NCKAP5L: variants seen among roughly 807,000 people sequenced by gnomAD.
NCKAP5L encodes the protein nck-associated protein 5-like.
Under a neutral mutation model 103.2 loss-of-function variants are expected in NCKAP5L, and 54 were observed. That is an observed-to-expected ratio of 0.52 (90% CI 0.42 to 0.66). The LOEUF (loss-of-function observed/expected upper bound fraction) is 0.66, where lower values mean the gene tolerates loss of function less well. Ranked by LOEUF, NCKAP5L falls within the 30% of genes least tolerant of loss-of-function variation. NCKAP5L has a pLI of 0.00. For missense variants in NCKAP5L, 1,733 were observed against 1,750.6 expected, an observed-to-expected ratio of 0.99 and a Z score of 0.18; for synonymous variants, 762 against 748.6, an observed-to-expected ratio of 1.02 and a Z score of -0.29.
At chr12:49,808,599 A>G (rs987336598) in intron 1 of NCKAP5L, among the ~76,000 whole-genome samples, 1 of 152,206 alleles carries the variant, frequency 6.6e-6, no homozygotes, top group Non-Finnish European at 1.5e-5. Context: ...AATCGAAGCC[A>G]AGTCAGGAAT....
At chr12:49,820,313 C>CTTTTTTT (rs55677422) in intron 1 of NCKAP5L, among the ~76,000 whole-genome samples, 1 of 121,422 alleles carries the variant, frequency 8.2e-6, no homozygotes, top group Non-Finnish European at 1.7e-5. Flanking sequence ...ATCTCCTGGC[C>CTTTTTTT]TTTTTTTTTT....
intron 1 of NCKAP5L, among the ~76,000 whole-genome samples, chr12:49,812,528 C>T (rs530007092): frequency 2.0e-5 from 3 of 151,994 alleles, no homozygotes; most frequent in Admixed American, 1.3e-4. Flanking sequence ...GGACTACAGG[C>T]GCCCGCCACC....
chr12:49,795,804 C>T lies in NCKAP5L; in HGVS notation c.2056G>A (p.Val686Met), dbSNP rs923952315. The change falls in exon 8 of 13, where the codon GTG (valine) becomes ATG (methionine). Residue 686 changes from valine (V) to methionine (M), a missense_variant. Transcript: ENST00000335999. ...EGALGSEKNG[V>M]PARPGTEKTR... is the part of the protein sequence containing the mutation. The stretch of plus-strand genomic sequence containing the variant: ...TTTTCGGTGCCAGGCCTGGCTGGCA[C>T]CCCATTCTTCTCTGAGCCCAGGGCC... 1 of 1,573,024 alleles carries T rather than the reference C, an allele frequency of 6.4e-7. No individual in the cohort carries two copies. Among genetic ancestry groups the T allele is most frequent in the Non-Finnish European group, 8.6e-7 (1 of 1,159,512 alleles).
chr12:49,811,630 TG>T (rs77900023), intron 1 of NCKAP5L, among the ~76,000 whole-genome samples: 3,239 of 152,202 alleles, frequency 0.021, 101 homozygotes, highest in East Asian at 0.14. Flanking sequence ...ATCTTCTCGT[TG>T]GGCACAGTGG....
intron 1 of NCKAP5L, among the ~76,000 whole-genome samples, chr12:49,828,025 C>T (rs1332714370): frequency 1.3e-5 from 2 of 152,106 alleles, no homozygotes; most frequent in Non-Finnish European, 2.9e-5. Flanking sequence ...CGGAACATCC[C>T]CCACTCCCGA....
rs945044158 is a variant in NCKAP5L, at chr12:49,813,567, G to A, written c.-98-7526C>T. ...TTTTGAGATGGAGTCTCACTCTGTC[G>A]CTCAGGCTGAAGTGCAGTGGCGCGA... On this transcript the variant is annotated intron_variant, in intron 1 of 12. Coordinates refer to ENST00000335999, the MANE Select transcript of NCKAP5L (RefSeq NM_001037806.4). Among the ~76,000 whole-genome samples the A allele has an allele frequency of 1.2e-4, 18 of 151,926 alleles. No homozygotes were observed. In the South Asian group the frequency reaches 2.5e-3, roughly 21 times the overall value.
Position 49,796,975 on chromosome 12 carries a change from G to A in NCKAP5L, c.885C>T (p.Gly295=). The change falls in exon 8 of 13, where the codon GGC becomes GGT. Residue 295 remains glycine, a synonymous_variant. Coordinates refer to ENST00000335999, the MANE Select transcript of NCKAP5L (RefSeq NM_001037806.4). The stretch of plus-strand genomic sequence containing the variant: ...CATCAGAAGAGGAGGAGGAGCTGCT[G>A]CCTGGGGCACAGTTTGGGCCAGAGC... ...GTSSGPNCAP[G]SSSSSSSDEA... The A allele has an allele frequency of 6.3e-7, 1 of 1,599,974 alleles. No homozygotes were observed. Among genetic ancestry groups the A allele is most frequent in the Non-Finnish European group, 8.5e-7 (1 of 1,173,972 alleles).
chr12:49,810,632 G>A (rs1378056297), intron 1 of NCKAP5L, among the ~76,000 whole-genome samples: 1 of 152,172 alleles, frequency 6.6e-6, no homozygotes, highest in African/African-American at 2.4e-5. Context: ...ATACTATGCT[G>A]TGTGATACCG....
In NCKAP5L at chr12:49,822,237, G is replaced by A. The variant is rs556021701; in HGVS notation, c.-99+6085C>T. ...TTCACCTTGGACTTCCCAGCCTCTAGAGCTGTGAGAAATAAATTTCTGTTG... is the reference window on the plus strand; with the variant it reads ...TTCACCTTGGACTTCCCAGCCTCTAAAGCTGTGAGAAATAAATTTCTGTTG... On this transcript the variant is annotated intron_variant, in intron 1 of 12. Coordinates refer to ENST00000335999, the MANE Select transcript of NCKAP5L (RefSeq NM_001037806.4). 3.9e-5 allele frequency among the ~76,000 whole-genome samples: 6 copies of A among 152,242 alleles called. No individual in the cohort carries two copies. The South Asian group carries it at 1.2e-3, about 32-fold the overall frequency.
At position 49,795,532 on chromosome 12, in the gene NCKAP5L, C is replaced by T. The variant is rs1279941151; in HGVS notation, c.2328G>A (p.Glu776=). 1.3e-6 allele frequency: 2 copies of T among 1,533,384 alleles called. No individual in the cohort carries two copies. Among genetic ancestry groups the T allele is most frequent in the South Asian group, 2.6e-5 (2 of 76,504 alleles). The allele number at this position is 1,533,384 out of a possible 1,614,324, so 95.0% of individuals were successfully genotyped here. A position where few individuals can be genotyped will look rare whatever the true frequency, so the allele number is the denominator to read the frequency against. Residue 776 remains glutamate (E), a synonymous_variant, in exon 8 of 13, where the codon GAG becomes GAA. Transcript: ENST00000335999. ...VSPRSCLTKV[E]LAKSRLAGAL... is the part of the protein sequence containing the mutation. Reference sequence around the variant, plus strand: ...CCCCTGCCAGCCGGCTCTTGGCCAGCTCCACTTTGGTGAGGCAGCTCCTTG... The same window carrying T: ...CCCCTGCCAGCCGGCTCTTGGCCAGTTCCACTTTGGTGAGGCAGCTCCTTG...
intron 1 of NCKAP5L, among the ~76,000 whole-genome samples, chr12:49,822,458 G>A (rs997226507): frequency 3.9e-5 from 6 of 152,070 alleles, no homozygotes; most frequent in African/African-American, 1.4e-4. Context: ...ATATATTTGT[G>A]TGTATTTGGT....
In NCKAP5L at chr12:49,803,234, C is replaced by G; in HGVS notation, c.124-69G>C. 3 of 1,537,416 alleles carry G rather than the reference C, an allele frequency of 2.0e-6. No homozygotes were observed. In the South Asian group the frequency reaches 3.4e-5, roughly 17 times the overall value. ...GATTATTCTTCCCCCAGGGCACATTCCTTTTGGGAAAGGGGAGGCAACTAC... is the reference window on the plus strand; with the variant it reads ...GATTATTCTTCCCCCAGGGCACATTGCTTTTGGGAAAGGGGAGGCAACTAC... On this transcript the variant is annotated intron_variant, in intron 3 of 12. Coordinates refer to ENST00000335999, the MANE Select transcript of NCKAP5L (RefSeq NM_001037806.4).
chr12:49,798,909 G>A (rs1220904879), intron 6 of NCKAP5L, among the ~76,000 whole-genome samples: 1 of 152,204 alleles, frequency 6.6e-6, no homozygotes, highest in East Asian at 1.9e-4. Context: ...AGAGATGGCA[G>A]GGAGTTATAA....
At chr12:49,802,220 T>C in intron 5 of NCKAP5L, 1 of 407,476 alleles carries the variant, frequency 2.5e-6, no homozygotes, top group Non-Finnish European at 4.4e-6. Flanking sequence ...TTTGTTATCT[T>C]TCTCATCCCT....
chr12:49,792,168 C>T lies in NCKAP5L; in HGVS notation c.3793-117G>A. The T allele has an allele frequency of 9.2e-7, 1 of 1,083,378 alleles. No homozygotes were observed. Among genetic ancestry groups the T allele is most frequent in the Non-Finnish European group, 1.3e-6 (1 of 757,416 alleles). The allele number at this position is 1,083,378 out of a possible 1,614,324, so 67.1% of individuals were successfully genotyped here. A position where few individuals can be genotyped will look rare whatever the true frequency, so the allele number is the denominator to read the frequency against. On this transcript the variant is annotated intron_variant, in intron 12 of 12. Transcript: ENST00000335999. This position sits in a 1 kb window ranked among gnomAD's most constrained non-coding sequence, Gnocchi z 4.5. ...TGATGGGGGGCTGCTCCAGAGGGGG[C>T]CCAAGGTGGGGTATACTTCAGAGGA...
rs1946057702 is a variant in NCKAP5L, at chr12:49,796,899, G to C, written c.961C>G (p.Leu321Val). 6.2e-7 allele frequency: 1 copy of C among 1,610,986 alleles called. No individual in the cohort carries two copies. The highest frequency in any genetic ancestry group is 1.1e-5 in the South Asian group (1 of 90,766). ...APSPDTLLGA[L>V]ARRQLNLGQL... ...CCCAGGTTCAACTGTCTGCGGGCCA[G>C]GGCACCGAGCAGGGTGTCGGGGCTG... Residue 321 changes from leucine to valine, a missense_variant, in exon 8 of 13, where the codon CTG becomes GTG. By Grantham distance (32) the Leu-to-Val change is conservative. Coordinates refer to ENST00000335999, the MANE Select transcript of NCKAP5L (RefSeq NM_001037806.4).
At chr12:49,818,117 G>T (rs955848284) in intron 1 of NCKAP5L, among the ~76,000 whole-genome samples, 1 of 150,702 alleles carries the variant, frequency 6.6e-6, no homozygotes, top group African/African-American at 2.4e-5. Flanking sequence ...GGGTGACACA[G>T]CAAGGCTGTG....
intron 6 of NCKAP5L, among the ~76,000 whole-genome samples, chr12:49,799,571 C>A (rs918449975): frequency 2.6e-5 from 4 of 152,136 alleles, no homozygotes; most frequent in African/African-American, 9.7e-5. Flanking sequence ...CCCTCTTCAG[C>A]CTCCCAAAAT....
rs759710353 is a variant in NCKAP5L, at chr12:49,796,596, C to A, written c.1264G>T (p.Gly422Cys). 7 of 1,602,128 alleles carry A rather than the reference C, an allele frequency of 4.4e-6. No homozygotes were observed. The African/African-American group carries it at 8.1e-5, about 18-fold the overall frequency. The change falls in exon 8 of 13, where the codon GGC (glycine) becomes TGC (cysteine). Residue 422 changes from glycine (G) to cysteine (C), a missense_variant. By Grantham distance (159) the Gly-to-Cys change is radical. Coordinates refer to ENST00000335999, the MANE Select transcript of NCKAP5L (RefSeq NM_001037806.4). ...ACCTGAGATGAGGAATGGGGGTGGC[C>A]AGGCCGAGAGCCCAGTGGGGCATCC... is the stretch of plus-strand genomic sequence containing the variant. ...AGDAPLGSRP[G>C]HPHSSSQVKS...
Sources: allele counts gnomAD v4.1 joint callset (sites outside exome capture counted in the v4.1 genomes callset), GRCh38; gene constraint gnomAD v4.1.1; non-coding constraint Gnocchi (gnomAD v3.1); transcripts MANE v1.5; gene names NCBI Gene and HGNC (gene_info 2026-07-23, HGNC 2026-07-21).